The following DCDC1 variants were observed in gnomAD, a reference collection of about 807,000 sequenced individuals.
DCDC1 encodes doublecortin domain containing 1, also known as doublecortin domain-containing protein 1.
A neutral mutation model predicts 178.3 loss-of-function variants in DCDC1; 200 were observed. That is an observed-to-expected ratio of 1.12 (90% CI 1.00 to 1.26). The LOEUF (loss-of-function observed/expected upper bound fraction) is 1.26, where lower values mean the gene tolerates loss of function less well. Ranked by LOEUF, DCDC1 falls within the 50% of genes most tolerant of loss-of-function variation. The pLI, the probability that DCDC1 is intolerant of heterozygous loss-of-function variation, is 0.00. For synonymous variants in DCDC1, 690 were observed against 604.8 expected (o/e 1.14, Z -2.07); for missense variants, 1,983 against 1,749.2 (o/e 1.13, Z -2.38).
At chr11:31,055,367 T>G (rs1470525753) in intron 20 of DCDC1, among the ~76,000 whole-genome samples, 4 of 152,174 alleles carry the variant, frequency 2.6e-5, no homozygotes, top group South Asian at 2.1e-4. Context: ...CAGGGAACAC[T>G]TCTACACTGC....
intron 9 of DCDC1, among the ~76,000 whole-genome samples, chr11:31,167,852 T>C (rs1966851266): frequency 6.6e-6 from 1 of 152,204 alleles, no homozygotes; most frequent in African/African-American, 2.4e-5. Flanking sequence ...TCAACTACTA[T>C]GGGTGATGCA....
In DCDC1 at chr11:31,144,304, T is replaced by TA. The variant is rs199603539; in HGVS notation, c.1222-6521_1222-6520insT. Among the ~76,000 whole-genome samples, 157 of 148,326 alleles carry TA rather than the reference T, an allele frequency of 1.1e-3. 1 individual carries two copies. The highest frequency in any genetic ancestry group is 0.01 in the Admixed American group (150 of 14,876). On this transcript the variant is annotated intron_variant, in intron 9 of 38. Coordinates refer to ENST00000684477, the MANE Select transcript of DCDC1 (RefSeq NM_001387274.1). ...CGCGTGCCACCACGCCTGGCTAATATTTTTTTTTTTTAATTTTTTGTAGAG... is the reference window on the plus strand; with the variant it reads ...CGCGTGCCACCACGCCTGGCTAATATATTTTTTTTTTTAATTTTTTGTAGAG...
chr11:31,120,473 G>A (rs2135882992), intron 11 of DCDC1, among the ~76,000 whole-genome samples: 1 of 152,188 alleles, frequency 6.6e-6, no homozygotes, highest in East Asian at 1.9e-4. Flanking sequence ...AGCCTGAATT[G>A]CCAACACTCC....
chr11:31,052,290 A>G lies in DCDC1; in HGVS notation c.2591+12179T>C, dbSNP rs1272984120. Among the ~76,000 whole-genome samples the G allele has an allele frequency of 2.0e-5, 3 of 152,220 alleles. No homozygotes were observed. The East Asian group carries it at 5.8e-4, about 29-fold the overall frequency. ...ATATAATGGTAAAAGGCCTTCTCCA[A>G]CAGGAAAATATCACAATCCTCAACA... On this transcript the variant is annotated intron_variant, in intron 20 of 38. Coordinates refer to ENST00000684477, the MANE Select transcript of DCDC1 (RefSeq NM_001387274.1).
chr11:31,315,123 C>T (rs1383835011), intron 3 of DCDC1, among the ~76,000 whole-genome samples: 4 of 151,978 alleles, frequency 2.6e-5, no homozygotes, highest in East Asian at 1.9e-4. Flanking sequence ...ATTTCCTCTC[C>T]TTAATGGCAT....
intron 1 of DCDC1, among the ~76,000 whole-genome samples, chr11:31,343,068 C>A (rs1270200186): frequency 6.6e-6 from 1 of 152,082 alleles, no homozygotes; most frequent in African/African-American, 2.4e-5. Context: ...TAGTTCAAGG[C>A]CAGGTTGGAC....
intron 20 of DCDC1, among the ~76,000 whole-genome samples, chr11:30,975,941 G>T (rs1367113710): frequency 6.6e-6 from 1 of 151,936 alleles, no homozygotes; most frequent in East Asian, 1.9e-4. Flanking sequence ...GAGGCATCAT[G>T]CTACCTGACT....
chr11:31,148,222 A>AC (rs1184645644), intron 9 of DCDC1, among the ~76,000 whole-genome samples: 45 of 148,004 alleles, frequency 3.0e-4, no homozygotes, highest in Middle Eastern at 3.4e-3. Context: ...AAAAAAAAAA[A>AC]AAAAAAAAAA....
chr11:30,923,490 T>C, intron 23 of DCDC1, among the ~76,000 whole-genome samples: 1 of 151,034 alleles, frequency 6.6e-6, no homozygotes, highest in Non-Finnish European at 1.5e-5. Flanking sequence ...AAGTGATATA[T>C]TGAGAAAGGC....
chr11:31,008,592 G>A (rs565955107), intron 20 of DCDC1, among the ~76,000 whole-genome samples: 86 of 152,160 alleles, frequency 5.7e-4, no homozygotes, highest in African/African-American at 4.3e-4. Context: ...CAGACATTCC[G>A]CCTCAGTTTC....
chr11:31,103,748 C>T lies in DCDC1; in HGVS notation c.1773G>A (p.Leu591=), dbSNP rs906423074. Reference sequence around the variant, plus strand: ...CACTCACTCGGTCAAAGGTCAAACCCAAAGCAAGATTTAGTGGAGATCTGA... The same window carrying T: ...CACTCACTCGGTCAAAGGTCAAACCTAAAGCAAGATTTAGTGGAGATCTGA... ...RAYRSPLNLA[L]GLTFDRVSAF... is the part of the protein sequence containing the mutation. The change falls in exon 14 of 39, where the codon TTG becomes TTA. Residue 591 remains leucine, a synonymous_variant. Coordinates refer to ENST00000684477, the MANE Select transcript of DCDC1 (RefSeq NM_001387274.1). The T allele has an allele frequency of 2.6e-6, 2 of 764,474 alleles. No individual in the cohort carries two copies. Among genetic ancestry groups the T allele is most frequent in the African/African-American group, 3.4e-5 (2 of 59,052 alleles). 47.4% of individuals were successfully genotyped at this position (764,474 alleles called of 1,614,324 possible). A position where few individuals can be genotyped will look rare whatever the true frequency, so the allele number is the denominator to read the frequency against.
At chr11:31,155,133 G>A (rs1965588612) in intron 9 of DCDC1, among the ~76,000 whole-genome samples, 2 of 152,056 alleles carry the variant, frequency 1.3e-5, no homozygotes, top group Admixed American at 1.3e-4. Context: ...AACTTTTGTT[G>A]TTCACAATGG....
intron 17 of DCDC1, among the ~76,000 whole-genome samples, chr11:31,078,816 A>G (rs1201201540): frequency 1.6e-5 from 2 of 128,758 alleles, no homozygotes; most frequent in Admixed American, 1.6e-4. Context: ...GTGTGGACCC[A>G]CCCCCCACCC....
chr11:31,281,318 C>T (rs1369766360), intron 7 of DCDC1, among the ~76,000 whole-genome samples: 1 of 151,554 alleles, frequency 6.6e-6, no homozygotes, highest in South Asian at 2.1e-4. Flanking sequence ...ACATCTTTGC[C>T]TTGATTCTGA....
intron 20 of DCDC1, among the ~76,000 whole-genome samples, chr11:30,975,569 AAACGTG>A (rs1950056735): frequency 6.6e-6 from 1 of 152,102 alleles, no homozygotes; most frequent in Admixed American, 6.5e-5. Context: ...TCTATATACC[AAACGTG>A]AACTAGCTGA....
intron 20 of DCDC1, among the ~76,000 whole-genome samples, chr11:30,971,603 GTTTTTTT>G (rs71060475): frequency 1.3e-4 from 11 of 83,564 alleles, no homozygotes; most frequent in Admixed American, 3.0e-4. Context: ...ACAGGCCTTT[GTTTTTTT>G]TTTTTTTTTT....
chr11:31,270,765 A>G (rs1046647230), intron 7 of DCDC1, among the ~76,000 whole-genome samples: 2 of 152,102 alleles, frequency 1.3e-5, no homozygotes, highest in African/African-American at 4.8e-5. Flanking sequence ...GCTGTCCCCA[A>G]CACCCAGGAT....
In DCDC1 at chr11:31,265,531, T is replaced by C. The variant is rs769471583; in HGVS notation, c.1030A>G (p.Arg344Gly). The change falls in exon 8 of 39, where the codon AGA (arginine) becomes GGA (glycine). Residue 344 changes from arginine (R) to glycine (G), a missense_variant. Transcript: ENST00000684477. ...CCTTTTGAAATATCTTCAATTTTTC[T>C]GCCATACAAATCATAAAAATATCTG... Reference protein sequence around the residue: ...PARYFYDLYGRKIEDISKVPL... With the variant: ...PARYFYDLYGGKIEDISKVPL... The C allele has an allele frequency of 1.9e-4, 271 of 1,441,434 alleles. 1 individual carries two copies. In the East Asian group the frequency reaches 7.2e-3, roughly 38 times the overall value. 89.3% of individuals were successfully genotyped at this position (1,441,434 alleles called of 1,614,324 possible).
At position 31,064,478 on chromosome 11, in the gene DCDC1, G is replaced by A. The variant is rs776263986; in HGVS notation, c.2582C>T (p.Ser861Phe). The change falls in exon 20 of 39, where the codon TCT (serine) becomes TTT (phenylalanine). Residue 861 changes from serine (S) to phenylalanine (F), a missense_variant. Physicochemically the swap from Ser to Phe is radical, Grantham distance 155. Coordinates refer to ENST00000684477, the MANE Select transcript of DCDC1 (RefSeq NM_001387274.1). The stretch of plus-strand genomic sequence containing the variant: ...TCTGTCAGTACCCTACCTCTGAGCA[G>A]AAGCCTTAGGATGTTTCTCTTCCAG... ...RKLEEKHPKASAQRWAIKHEG... is the reference protein window; with the variant it reads ...RKLEEKHPKAFAQRWAIKHEG... The A allele has an allele frequency of 1.3e-6, 1 of 765,302 alleles. No individual in the cohort carries two copies. The highest frequency in any genetic ancestry group is 1.3e-5 in the South Asian group (1 of 74,498). The allele number at this position is 765,302 out of a possible 1,614,324, so 47.4% of individuals were successfully genotyped here.
Sources: allele counts gnomAD v4.1 joint callset (sites outside exome capture counted in the v4.1 genomes callset), GRCh38; gene constraint gnomAD v4.1.1; transcripts MANE v1.5; gene names NCBI Gene and HGNC (gene_info 2026-07-23, HGNC 2026-07-21).